The following ACSS1 variants were observed in gnomAD, a reference collection of about 807,000 sequenced individuals.
ACSS1 encodes acetyl-coenzyme A synthetase 2-like, mitochondrial.
In ACSS1, 42 loss-of-function variants were observed where a neutral mutation model predicts 75.3. The observed-to-expected ratio is 0.56, with a 90% CI of 0.44 to 0.72. The LOEUF (loss-of-function observed/expected upper bound fraction) is 0.72, where lower values mean the gene tolerates loss of function less well. Ranked by LOEUF, ACSS1 falls within the 30% of genes least tolerant of loss-of-function variation. The pLI, the probability that ACSS1 is intolerant of heterozygous loss-of-function variation, is 0.00. For synonymous variants in ACSS1, 380 were observed against 376.8 expected, an observed-to-expected ratio of 1.01 and a Z score of -0.10; for missense variants, 782 against 935.7, an observed-to-expected ratio of 0.84 and a Z score of 2.14.
chr20:25,048,946 A>T (rs1366287787), intron 1 of ACSS1, among the ~76,000 whole-genome samples: 1 of 152,192 alleles, frequency 6.6e-6, no homozygotes, highest in Non-Finnish European at 1.5e-5. Flanking sequence ...CCCTCAAGCC[A>T]GCTCTCCTCA....
chr20:25,018,071 T>C (rs1317234982), intron 7 of ACSS1, among the ~76,000 whole-genome samples: 2 of 152,250 alleles, frequency 1.3e-5, no homozygotes, highest in African/African-American at 2.4e-5. Context: ...CCACTTATTA[T>C]GGTTTGAATG....
intron 2 of ACSS1, 175 bp from the exon 3 acceptor site, chr20:25,031,133 T>C: frequency 1.4e-6 from 1 of 735,710 alleles, no homozygotes; most frequent in Middle Eastern, 2.3e-4. Flanking sequence ...AAGAAAAGTT[T>C]TTAACATTTG....
intron 2 of ACSS1, among the ~76,000 whole-genome samples, chr20:25,034,748 A>T (rs2088881047): frequency 6.6e-6 from 1 of 151,998 alleles, no homozygotes; most frequent in South Asian, 2.1e-4. Flanking sequence ...TTGTATTTTT[A>T]GTAGAGACGG....
At chr20:25,025,499 G>A (rs2088699968) in intron 3 of ACSS1, among the ~76,000 whole-genome samples, 1 of 152,208 alleles carries the variant, frequency 6.6e-6, no homozygotes, top group Non-Finnish European at 1.5e-5. Flanking sequence ...TAGTGGCTCA[G>A]AACACTCATT....
At chr20:25,019,948 C>T (rs1240952348) in intron 7 of ACSS1, 62 bp downstream of exon 7, 21 of 1,605,238 alleles carry the variant, frequency 1.3e-5, no homozygotes, top group Non-Finnish European at 1.6e-5. Context: ...TGCTGAAGCC[C>T]GTATTGGCTC....
intron 1 of ACSS1, among the ~76,000 whole-genome samples, chr20:25,049,753 G>A (rs1302008904): frequency 6.6e-6 from 1 of 152,092 alleles, no homozygotes; most frequent in Non-Finnish European, 1.5e-5. Context: ...GAGGCCCCGA[G>A]AAGTTAAGCT....
chr20:25,042,724 A>G (rs2089023975), intron 2 of ACSS1, among the ~76,000 whole-genome samples: 1 of 152,116 alleles, frequency 6.6e-6, no homozygotes, highest in Non-Finnish European at 1.5e-5. Context: ...CCCGCTGAGT[A>G]CCGTCACCCC....
At chr20:25,014,569 G>A (rs112132901) in intron 8 of ACSS1, among the ~76,000 whole-genome samples, 9 of 152,268 alleles carry the variant, frequency 5.9e-5, no homozygotes, top group African/African-American at 2.2e-4. Flanking sequence ...CTCATTTTCT[G>A]GCTTGAGGAT....
chr20:25,013,766 C>T (rs2088464102), intron 9 of ACSS1, 104 bp from the exon 10 acceptor site: 2 of 1,470,276 alleles, frequency 1.4e-6, no homozygotes, highest in South Asian at 2.6e-5. Context: ...TAGCTCTCCC[C>T]TCTGCCCCTG....
Position 25,015,200 on chromosome 20 carries a change from T to C in ACSS1, c.1277A>G (p.Glu426Gly). The stretch of plus-strand genomic sequence containing the variant: ...GTCCCCCACCACCCTGTGAAGCCAC[T>C]CCCAGGCCTCACAGTTGATGGGCTC... ...VGEPINCEAW[E>G]WLHRVVGDSR... The change falls in exon 8 of 14, where the codon GAG becomes GGG. Residue 426 changes from glutamate (E) to glycine (G), a missense_variant. By Grantham distance (98) the Glu-to-Gly change is moderately conservative (BLOSUM62 -2). Coordinates refer to ENST00000323482, the MANE Select transcript of ACSS1 (RefSeq NM_032501.4). The C allele has an allele frequency of 1.9e-6, 3 of 1,612,480 alleles. No homozygotes were observed. Among genetic ancestry groups the C allele is most frequent in the South Asian group, 2.2e-5 (2 of 91,014 alleles).
intron 1 of ACSS1, among the ~76,000 whole-genome samples, chr20:25,048,394 A>G (rs998796705): frequency 3.3e-5 from 5 of 152,018 alleles, no homozygotes; most frequent in African/African-American, 1.2e-4. Context: ...TGTCCTGCAA[A>G]TATTTTGAAG....
intron 7 of ACSS1, among the ~76,000 whole-genome samples, chr20:25,017,596 A>G (rs983284312): frequency 2.6e-5 from 4 of 152,238 alleles, no homozygotes; most frequent in African/African-American, 9.6e-5. Context: ...AGGAATAGGA[A>G]TGTGCCTATC....
At chr20:25,046,915 T>C (rs1400493482) in intron 2 of ACSS1, 2 of 779,374 alleles carry the variant, frequency 2.6e-6, no homozygotes, top group Non-Finnish European at 2.4e-6. Context: ...TGAGTCTGGC[T>C]GGTGGGGGAG....
intron 3 of ACSS1, among the ~76,000 whole-genome samples, chr20:25,026,894 G>A (rs1050449028): frequency 6.6e-6 from 1 of 152,200 alleles, no homozygotes; most frequent in Admixed American, 6.5e-5. Context: ...CTGAGGTTCT[G>A]GGAGCTGCCC....
intron 9 of ACSS1, 95 bp downstream of exon 9, chr20:25,013,866 T>C: frequency 1.4e-6 from 2 of 1,400,740 alleles, no homozygotes; most frequent in South Asian, 1.2e-5. Context: ...TCCTGCCAGG[T>C]ACAGACCTGG....
intron 3 of ACSS1, 130 bp downstream of exon 3, chr20:25,030,629 G>T: frequency 9.4e-7 from 1 of 1,067,012 alleles, no homozygotes; most frequent in Non-Finnish European, 1.4e-6. Context: ...CCTGTCCCTA[G>T]TACGATCTGT....
At chr20:25,009,795 G>A (rs1177368474) in intron 12 of ACSS1, 1 of 176,944 alleles carries the variant, frequency 5.7e-6, no homozygotes, top group Non-Finnish European at 1.2e-5. Flanking sequence ...CCAGCCTTTG[G>A]GGGTGTGTGT....
At chr20:25,055,880 C>T (rs1249663039) in intron 1 of ACSS1, among the ~76,000 whole-genome samples, 1 of 152,178 alleles carries the variant, frequency 6.6e-6, no homozygotes, top group Non-Finnish European at 1.5e-5. Flanking sequence ...CCTGGCCTGG[C>T]CCTTTTTCAT....
At chr20:25,032,560 CT>C in intron 2 of ACSS1, 3 of 1,249,450 alleles carry the variant, frequency 2.4e-6, no homozygotes, top group Non-Finnish European at 3.0e-6. Context: ...AGCCAAGGCC[CT>C]TTCTCTCTGG....
Sources: allele counts gnomAD v4.1 joint callset (sites outside exome capture counted in the v4.1 genomes callset), GRCh38; gene constraint gnomAD v4.1.1; transcripts MANE v1.5; gene names NCBI Gene and HGNC (gene_info 2026-07-23, HGNC 2026-07-21).